Variants in EYS observed in about 807,000 individuals in gnomAD.
EYS encodes the protein protein eyes shut homolog.
Under a neutral mutation model 282.1 loss-of-function variants are expected in EYS, and 250 were observed. The observed-to-expected ratio is 0.89, with a 90% confidence interval of 0.80 to 0.98. The LOEUF (loss-of-function observed/expected upper bound fraction) is 0.98. EYS is among the 50% of genes least tolerant of loss of function. EYS has a pLI of 0.00. For missense variants in EYS, 4,016 were observed against 3,709.0 expected, an observed-to-expected ratio of 1.08 and a Z score of -2.15; for synonymous variants, 1,355 against 1,282.9, an observed-to-expected ratio of 1.06 and a Z score of -1.20.
chr6:65,177,818 C>A (rs1765264589), intron 12 of EYS, among the ~76,000 whole-genome samples: 1 of 151,636 alleles, frequency 6.6e-6, no homozygotes, highest in African/African-American at 2.4e-5. Context: ...GAGTTTAAAA[C>A]ATGTACCTAT....
At chr6:65,478,391 T>C (rs1765484454) in intron 5 of EYS, among the ~76,000 whole-genome samples, 1 of 152,092 alleles carries the variant, frequency 6.6e-6, no homozygotes, top group African/African-American at 2.4e-5. Context: ...ATGGTGGACA[T>C]AAAATTGAAT....
chr6:64,327,109 G>A (rs1463049257), intron 29 of EYS, among the ~76,000 whole-genome samples: 5 of 152,126 alleles, frequency 3.3e-5, no homozygotes, highest in African/African-American at 1.2e-4. Flanking sequence ...GGGGCGTGAT[G>A]TGGGGAGGCA....
chr6:65,598,985 A>T (rs898818933), intron 2 of EYS, among the ~76,000 whole-genome samples: 8 of 152,056 alleles, frequency 5.3e-5, no homozygotes, highest in South Asian at 4.1e-4. Flanking sequence ...CTATATTTAT[A>T]TATCTATATC....
chr6:64,862,543 TC>T (rs1766282321), intron 19 of EYS, among the ~76,000 whole-genome samples: 2 of 152,158 alleles, frequency 1.3e-5, no homozygotes, highest in African/African-American at 4.8e-5. Flanking sequence ...ATCTTTTGTT[TC>T]CCCAAGGTCT....
At chr6:65,018,220 A>G (rs1473902788) in intron 13 of EYS, among the ~76,000 whole-genome samples, 6 of 152,346 alleles carry the variant, frequency 3.9e-5, no homozygotes, top group Admixed American at 3.9e-4. Context: ...AACAACAGAC[A>G]GTTAGTGTTT....
intron 29 of EYS, among the ~76,000 whole-genome samples, chr6:64,370,913 C>A (rs1227471668): frequency 6.6e-6 from 1 of 151,894 alleles, no homozygotes; most frequent in Non-Finnish European, 1.5e-5. Context: ...TTCTGTTTTT[C>A]TTCATTAGTC....
intron 32 of EYS, 137 bp from the exon 33 acceptor site, chr6:64,066,628 T>C (rs1214923328): frequency 1.6e-6 from 1 of 628,570 alleles, no homozygotes; most frequent in East Asian, 2.8e-5. Context: ...AATTATTCAG[T>C]GTAATAAGTA....
At chr6:65,517,183 G>A (rs1299616309) in intron 2 of EYS, among the ~76,000 whole-genome samples, 1 of 151,822 alleles carries the variant, frequency 6.6e-6, no homozygotes, top group African/African-American at 2.4e-5. Context: ...TGGAAGGGCT[G>A]TATATCTAAG....
intron 30 of EYS, among the ~76,000 whole-genome samples, chr6:64,268,885 A>C (rs1230619222): frequency 6.6e-6 from 1 of 152,128 alleles, no homozygotes; most frequent in East Asian, 1.9e-4. Flanking sequence ...AGAATTGATA[A>C]ATGCTGTTCA....
rs75529102 is a variant in EYS, at chr6:65,361,803, A to G, written c.1300-8186T>C. Among the ~76,000 whole-genome samples the G allele has an allele frequency of 9.0e-4, 137 of 152,272 alleles. 5 individuals are homozygous for G. In the East Asian group the frequency reaches 0.024, roughly 26 times the overall value. On this transcript the variant is annotated intron_variant, in intron 8 of 42. Transcript: ENST00000503581. ...TCCTGAAAGTAATTTCTTAGACTAC[A>G]GTGATTCATTATCTAATGTTTCCCT...
intron 26 of EYS, among the ~76,000 whole-genome samples, chr6:64,488,665 TAC>T (rs1246142494): frequency 6.6e-6 from 1 of 150,900 alleles, no homozygotes; most frequent in African/African-American, 2.4e-5. Context: ...TAAAATAGAG[TAC>T]ACATGAATTA....
chr6:65,498,709 A>C (rs1290968023), intron 2 of EYS, among the ~76,000 whole-genome samples: 1 of 152,030 alleles, frequency 6.6e-6, no homozygotes, highest in East Asian at 1.9e-4. Context: ...GTATATCTAT[A>C]CATGCTGAAT....
rs528290529 is a variant in EYS at position 65,510,513 on chromosome 6, T to C, written c.-332-14520A>G. On this transcript the variant is annotated intron_variant, in intron 2 of 42. Transcript: ENST00000503581. ...CAAATATCTCAAAAATATCATTTGATTCACACTTTTGATTAATATTTTTTG... is the reference window on the plus strand; with the variant it reads ...CAAATATCTCAAAAATATCATTTGACTCACACTTTTGATTAATATTTTTTG... Among the ~76,000 whole-genome samples the C allele has an allele frequency of 2.0e-5, 3 of 152,328 alleles. No individual in the cohort carries two copies. In the South Asian group the frequency reaches 6.2e-4, roughly 32 times the overall value.
chr6:64,856,313 T>A (rs1208501616), intron 19 of EYS, among the ~76,000 whole-genome samples: 3 of 152,124 alleles, frequency 2.0e-5, no homozygotes, highest in Non-Finnish European at 2.9e-5. Flanking sequence ...GGTATTTTTT[T>A]TTCCCAGAAA....
intron 29 of EYS, among the ~76,000 whole-genome samples, chr6:64,336,622 G>A (rs1386635351): frequency 6.6e-6 from 1 of 151,984 alleles, no homozygotes; most frequent in Non-Finnish European, 1.5e-5. Flanking sequence ...TAGAACAAAT[G>A]GACTTAATAG....
intron 14 of EYS, among the ~76,000 whole-genome samples, chr6:64,979,967 C>A (rs1770597967): frequency 6.6e-6 from 1 of 151,418 alleles, no homozygotes; most frequent in African/African-American, 2.4e-5. Flanking sequence ...ATAAGTGATG[C>A]ACAATCCTTG....
At chr6:65,270,248 A>C (rs2150265215) in intron 12 of EYS, among the ~76,000 whole-genome samples, 1 of 152,292 alleles carries the variant, frequency 6.6e-6, no homozygotes, top group South Asian at 2.1e-4. Context: ...CAAGTTCAAA[A>C]CCTAGCAAGG....
chr6:65,401,227 T>A (rs1766481258), intron 7 of EYS, among the ~76,000 whole-genome samples: 1 of 151,916 alleles, frequency 6.6e-6, no homozygotes, highest in Admixed American at 6.6e-5. Flanking sequence ...TCACTGATAT[T>A]CTTTGACTCA....
At chr6:64,933,368 C>T (rs894103527) in intron 15 of EYS, among the ~76,000 whole-genome samples, 6 of 151,856 alleles carry the variant, frequency 4.0e-5, no homozygotes, top group Admixed American at 6.6e-5. Context: ...ATGTGGCCAA[C>T]AAACATATGA....
Sources: allele counts gnomAD v4.1 joint callset (sites outside exome capture counted in the v4.1 genomes callset), GRCh38; gene constraint gnomAD v4.1.1; transcripts MANE v1.5; gene names NCBI Gene and HGNC (gene_info 2026-07-23, HGNC 2026-07-21).